Variants in C3orf20 observed in about 807,000 individuals in gnomAD.
The protein encoded by C3orf20 is uncharacterized protein C3orf20.
Under a neutral mutation model 88.3 loss-of-function variants are expected in C3orf20, and 76 were observed. That is an observed-to-expected ratio of 0.86 (90% confidence interval 0.72 to 1.04). The LOEUF (loss-of-function observed/expected upper bound fraction) is 1.04. Ranked by LOEUF, C3orf20 falls within the 50% of genes least tolerant of loss-of-function variation. The pLI is 0.00. For synonymous variants in C3orf20, 436 were observed against 437.4 expected (o/e 1.00, Z 0.04); for missense variants, 1,056 against 1,123.3 (o/e 0.94, Z 0.86).
chr3:14,721,897 G>T, intron 10 of C3orf20, 113 bp downstream of exon 10: 1 of 1,379,404 alleles, frequency 7.2e-7, no homozygotes, highest in Non-Finnish European at 9.9e-7. Context: ...TCCATGCAAG[G>T]CCCTGCCTTT....
rs1427219000 is a variant in C3orf20 at position 14,683,117 on chromosome 3, A to G, written c.404A>G (p.Asn135Ser). 19 of 1,614,058 alleles carry G rather than the reference A, an allele frequency of 1.2e-5. No homozygotes were observed. The highest frequency in any genetic ancestry group is 2.7e-5 in the African/African-American group (2 of 74,948). Residue 135 changes from asparagine to serine, a missense_variant, in exon 3 of 17, where the codon AAC becomes AGC. By Grantham distance (46) the Asn-to-Ser change is conservative. Transcript: ENST00000253697. ...GTGCGCACCCACCAGGAGACCCTGA[A>G]CAGGTTTCAGCAGCAGTCCATCCAC... is the stretch of plus-strand genomic sequence containing the variant. Reference protein sequence around the residue: ...RQVRTHQETLNRFQQQSIHLL... With the variant: ...RQVRTHQETLSRFQQQSIHLL...
chr3:14,685,695 A>T lies in C3orf20; in HGVS notation c.625+1313A>T, dbSNP rs558888877. On this transcript the variant is annotated intron_variant, in intron 4 of 16. Coordinates refer to ENST00000253697, the MANE Select transcript of C3orf20 (RefSeq NM_032137.5). ...CGCTGCCACCCTCCAGTCCCTGTCAACCACCATTCACTCTCTGCTTCTATG... is the reference window on the plus strand; with the variant it reads ...CGCTGCCACCCTCCAGTCCCTGTCATCCACCATTCACTCTCTGCTTCTATG... Among the ~76,000 whole-genome samples, 63 of 151,964 alleles carry T rather than the reference A, an allele frequency of 4.1e-4. 1 individual carries two copies. The highest frequency in any genetic ancestry group is 3.4e-3 in the Middle Eastern group (1 of 292).
chr3:14,764,419 C>T (rs2035643826), intron 15 of C3orf20, among the ~76,000 whole-genome samples: 1 of 152,072 alleles, frequency 6.6e-6, no homozygotes. Flanking sequence ...AGCAGTTGTT[C>T]CTATAATCCG....
intron 12 of C3orf20, among the ~76,000 whole-genome samples, chr3:14,732,129 A>G (rs2124995321): frequency 6.6e-6 from 1 of 152,340 alleles, no homozygotes; most frequent in South Asian, 2.1e-4. Context: ...TGAGAGTTCC[A>G]ATTGCTCCAA....
At position 14,702,185 on chromosome 3, in the gene C3orf20, A is replaced by G. The variant is rs1364650096; in HGVS notation, c.746-945A>G. On this transcript the variant is annotated intron_variant, in intron 5 of 16. Coordinates refer to ENST00000253697, the MANE Select transcript of C3orf20 (RefSeq NM_032137.5). ...GCAGGAGGCGAAAGGCACTCCTTTC[A>G]TGGCAGCAAGAGAAAATGAGGAAGA... Among the ~76,000 whole-genome samples, 4 of 152,194 alleles carry G rather than the reference A, an allele frequency of 2.6e-5. No individual in the cohort carries two copies. The East Asian group carries it at 5.8e-4, about 22-fold the overall frequency.
chr3:14,728,048 T>C (rs1046398160), intron 11 of C3orf20, among the ~76,000 whole-genome samples: 1 of 151,976 alleles, frequency 6.6e-6, no homozygotes, highest in African/African-American at 2.4e-5. Flanking sequence ...ACAAAGAAAG[T>C]AGTTGGAATT....
chr3:14,682,448 G>C, intron 2 of C3orf20, 117 bp downstream of exon 2: 1 of 475,018 alleles, frequency 2.1e-6, no homozygotes, highest in Non-Finnish European at 3.7e-6. Context: ...CTTATCATCA[G>C]ACCTTTCCCA....
chr3:14,754,785 T>C (rs1220647769), intron 12 of C3orf20, among the ~76,000 whole-genome samples: 1 of 152,172 alleles, frequency 6.6e-6, no homozygotes, highest in Non-Finnish European at 1.5e-5. Context: ...AGTGCATTGG[T>C]GTGATCATGG....
In C3orf20 at chr3:14,764,507, A is replaced by ATTGTTG. The variant is rs962763180; in HGVS notation, c.2495+2916_2495+2921dup. ...TATTATTATTATTATTATTATTATT[A>ATTGTTG]TTGTTGTTGTTGTTGTTGTTGTTGT... On this transcript the variant is annotated intron_variant, in intron 15 of 16. Transcript: ENST00000253697. Among the ~76,000 whole-genome samples the ATTGTTG allele has an allele frequency of 4.3e-3, 569 of 132,830 alleles. 4 individuals carry two copies. The highest frequency in any genetic ancestry group is 0.016 in the African/African-American group (529 of 32,778). The allele number at this position is 132,830 out of a possible 152,430, so 87.1% of individuals were successfully genotyped here. A position where few individuals can be genotyped will look rare whatever the true frequency, so the allele number is the denominator to read the frequency against.
Position 14,772,392 on chromosome 3 carries a change from C to T in C3orf20, c.2630+191C>T, listed in dbSNP as rs978419704. Among the ~76,000 whole-genome samples the T allele has an allele frequency of 2.0e-5, 3 of 152,214 alleles. No homozygotes were observed. The highest frequency in any genetic ancestry group is 7.2e-5 in the African/African-American group (3 of 41,454). On this transcript the variant is annotated intron_variant, in intron 16 of 16. Coordinates refer to ENST00000253697, the MANE Select transcript of C3orf20 (RefSeq NM_032137.5). This position sits in a 1 kb window ranked among gnomAD's most constrained non-coding sequence, Gnocchi z 4.2. The stretch of plus-strand genomic sequence containing the variant: ...CTGCCCTGGAGCTGCTCGCAGTGGT[C>T]TGGGTGGTAGAGATGGAGGCCTTTT...
rs1457806345 is a variant in C3orf20 at position 14,715,298 on chromosome 3, T to C, written c.1323T>C (p.Tyr441=). 1 of 1,612,004 alleles carries C rather than the reference T, an allele frequency of 6.2e-7. No individual in the cohort carries two copies. Among genetic ancestry groups the C allele is most frequent in the Admixed American group, 1.7e-5 (1 of 59,994 alleles). ...VHYNLKTSCP[Y]VLILDEEGGT... is the part of the protein sequence containing the mutation. ...TCTGTATCTCTCCTAGTTGCCCATATGTCTTAATCTTGGATGAGGAAGGTG... is the reference window on the plus strand; with the variant it reads ...TCTGTATCTCTCCTAGTTGCCCATACGTCTTAATCTTGGATGAGGAAGGTG... The change falls in exon 9 of 17, where the codon TAT becomes TAC. Residue 441 remains tyrosine (Y), a synonymous_variant. Transcript: ENST00000253697.
chr3:14,757,332 C>G, intron 12 of C3orf20, 39 bp from the exon 13 acceptor site: 1 of 1,556,746 alleles, frequency 6.4e-7, no homozygotes, highest in Non-Finnish European at 8.7e-7. Context: ...ACCTTCACCA[C>G]CTTCTGAGGG....
chr3:14,767,746 A>C (rs1047011140), intron 15 of C3orf20, among the ~76,000 whole-genome samples: 1 of 152,266 alleles, frequency 6.6e-6, no homozygotes, highest in Non-Finnish European at 1.5e-5. Context: ...TGGAAGCAGC[A>C]ATGTGCCCTG....
chr3:14,722,957 G>A (rs752717319), intron 10 of C3orf20, among the ~76,000 whole-genome samples: 4 of 152,212 alleles, frequency 2.6e-5, no homozygotes, highest in Non-Finnish European at 5.9e-5. Flanking sequence ...AAGCTCAGGT[G>A]GGTAGAGCAG....
At chr3:14,684,456 C>A in intron 4 of C3orf20, 74 bp downstream of exon 4, 28 of 1,546,136 alleles carry the variant, frequency 1.8e-5, no homozygotes, top group Non-Finnish European at 2.4e-5. Context: ...AAAGGCAAAA[C>A]CCCCAGTTTG....
At chr3:14,716,480 G>C (rs541245480) in intron 9 of C3orf20, among the ~76,000 whole-genome samples, 4 of 152,208 alleles carry the variant, frequency 2.6e-5, no homozygotes, top group African/African-American at 9.6e-5. Flanking sequence ...TTGTCCTCTT[G>C]GTTCATCCTC....
chr3:14,676,653 G>T (rs2031788143), intron 1 of C3orf20, among the ~76,000 whole-genome samples: 1 of 152,128 alleles, frequency 6.6e-6, no homozygotes. Flanking sequence ...GTCCCCTGGG[G>T]TGCCACTTTC....
At chr3:14,728,384 G>A in intron 11 of C3orf20, 55 bp from the exon 12 acceptor site, 2 of 1,605,312 alleles carry the variant, frequency 1.2e-6, no homozygotes, top group Non-Finnish European at 1.7e-6. Context: ...TGGGACCAGG[G>A]GCAGAGGAGT....
chr3:14,762,731 A>G (rs1279371799), intron 15 of C3orf20, among the ~76,000 whole-genome samples: 1 of 152,222 alleles, frequency 6.6e-6, no homozygotes, highest in Non-Finnish European at 1.5e-5. Flanking sequence ...TGGGGTATGC[A>G]GCCCTAAGTC....
Sources: gnomAD v4.1 joint callset for allele counts (sites outside exome capture counted in the v4.1 genomes callset) on GRCh38, gnomAD v4.1.1 for gene constraint, Gnocchi (gnomAD v3.1) non-coding constraint, MANE v1.5 for transcripts, NCBI Gene and HGNC (gene_info 2026-07-23, HGNC 2026-07-21) for gene names.